GRM8: variants seen among roughly 807,000 people sequenced by gnomAD.
GRM8 encodes the protein metabotropic glutamate receptor 8.
Under a neutral mutation model 87.2 loss-of-function variants are expected in GRM8, and 47 were observed. The observed-to-expected ratio is 0.54, with a 90% CI of 0.43 to 0.69. The LOEUF is 0.69. GRM8 is among the 30% of genes least tolerant of loss of function. The pLI is 0.00. For missense variants in GRM8, 1,019 were observed against 1,139.2 expected, an observed-to-expected ratio of 0.89 and a Z score of 1.52; for synonymous variants, 396 against 404.5, an observed-to-expected ratio of 0.98 and a Z score of 0.25.
chr7:126,993,674 AG>A (rs1327393733), intron 3 of GRM8, among the ~76,000 whole-genome samples: 2 of 152,064 alleles, frequency 1.3e-5, no homozygotes, highest in South Asian at 4.1e-4. Context: ...CACTTGGGGG[AG>A]GGAGAGCACA....
chr7:127,232,107 T>C (rs1429469224), intron 2 of GRM8, among the ~76,000 whole-genome samples: 1 of 151,948 alleles, frequency 6.6e-6, no homozygotes, highest in Non-Finnish European at 1.5e-5. Flanking sequence ...AGTCTCAAGT[T>C]TGGCCTTCAA....
Position 127,098,169 on chromosome 7 carries a change from T to C in GRM8, c.727+8327A>G, listed in dbSNP as rs185017968. Among the ~76,000 whole-genome samples, 72 of 152,268 alleles carry C rather than the reference T, an allele frequency of 4.7e-4. 1 individual carries two copies. Among genetic ancestry groups the C allele is most frequent in the South Asian group, 4.1e-4 (2 of 4,834 alleles). ...ACCTGGTGTTAATATTAATTAAATA[T>C]GATTTGTAACTCAAAATGTGGTGTT... On this transcript the variant is annotated intron_variant, in intron 3 of 10. Coordinates refer to ENST00000339582, the MANE Select transcript of GRM8 (RefSeq NM_000845.3).
At chr7:126,470,541 T>C (rs1584724968) in intron 9 of GRM8, among the ~76,000 whole-genome samples, 1 of 152,132 alleles carries the variant, frequency 6.6e-6, no homozygotes, top group African/African-American at 2.4e-5. Flanking sequence ...TATGGCTGCA[T>C]GGTATTCCAT....
At chr7:126,564,501 A>G (rs1484489627) in intron 8 of GRM8, among the ~76,000 whole-genome samples, 3 of 152,204 alleles carry the variant, frequency 2.0e-5, no homozygotes, top group African/African-American at 7.2e-5. Context: ...TGGAAAAAAA[A>G]CACTAGAAAA....
intron 9 of GRM8, among the ~76,000 whole-genome samples, chr7:126,474,259 T>C: frequency 6.7e-6 from 1 of 149,002 alleles, no homozygotes; most frequent in East Asian, 2.0e-4. Flanking sequence ...CATGTGTGTG[T>C]GTGTGTGTGT....
At chr7:127,216,404 G>A (rs772738426) in intron 2 of GRM8, among the ~76,000 whole-genome samples, 36 of 151,678 alleles carry the variant, frequency 2.4e-4, no homozygotes, top group Non-Finnish European at 4.4e-4. Context: ...TGTAATCCCA[G>A]CTACTTGGGA....
At chr7:126,613,829 G>A (rs1234182660) in intron 7 of GRM8, among the ~76,000 whole-genome samples, 1 of 152,212 alleles carries the variant, frequency 6.6e-6, no homozygotes, top group Non-Finnish European at 1.5e-5. Context: ...GAGGCTGGGG[G>A]AGGGGCACAC....
chr7:127,116,651 T>C (rs1826717894), intron 2 of GRM8, among the ~76,000 whole-genome samples: 1 of 152,130 alleles, frequency 6.6e-6, no homozygotes, highest in Non-Finnish European at 1.5e-5. Context: ...GTTGACACAT[T>C]GAAAAATGAA....
At chr7:126,509,164 A>T (rs2150734876) in intron 9 of GRM8, among the ~76,000 whole-genome samples, 1 of 152,192 alleles carries the variant, frequency 6.6e-6, no homozygotes, top group Non-Finnish European at 1.5e-5. Flanking sequence ...ATATTTTAGG[A>T]TAAACATTTT....
intron 9 of GRM8, among the ~76,000 whole-genome samples, chr7:126,501,031 A>G (rs970230568): frequency 2.0e-5 from 3 of 152,018 alleles, no homozygotes; most frequent in Admixed American, 6.6e-5. Context: ...GCTTTCTAAA[A>G]TGCTGCTTAC....
At chr7:126,501,160 T>G (rs1271666327) in intron 9 of GRM8, among the ~76,000 whole-genome samples, 1 of 152,036 alleles carries the variant, frequency 6.6e-6, no homozygotes, top group Non-Finnish European at 1.5e-5. Context: ...GCAGAACTAG[T>G]TACAAAAGTA....
intron 2 of GRM8, among the ~76,000 whole-genome samples, chr7:127,192,048 T>G (rs1795055887): frequency 1.3e-5 from 2 of 152,166 alleles, no homozygotes; most frequent in Admixed American, 1.3e-4. Context: ...CTCCCCTTTT[T>G]TGTAAAATGG....
intron 9 of GRM8, among the ~76,000 whole-genome samples, chr7:126,476,481 G>A (rs897758677): frequency 6.6e-6 from 1 of 152,046 alleles, no homozygotes; most frequent in Non-Finnish European, 1.5e-5. Flanking sequence ...AATAGAGAAA[G>A]TATTTGCAAA....
chr7:127,016,437 C>T lies in GRM8; in HGVS notation c.727+90059G>A, dbSNP rs145287437. 2.6e-5 allele frequency among the ~76,000 whole-genome samples: 4 copies of T among 152,116 alleles called. No individual in the cohort carries two copies. The East Asian group carries it at 7.7e-4, about 29-fold the overall frequency. ...TGTAATCCCCATAATCAAATTGATG[C>T]TTGAATGACAAAGCAAGAAAAATGA... On this transcript the variant is annotated intron_variant, in intron 3 of 10. Transcript: ENST00000339582.
chr7:127,139,678 C>G (rs1233710516), intron 2 of GRM8, among the ~76,000 whole-genome samples: 3 of 152,100 alleles, frequency 2.0e-5, no homozygotes, highest in Admixed American at 1.3e-4. Flanking sequence ...TTTCCTTTAT[C>G]TGCACTAAAT....
At chr7:127,211,349 T>C (rs1266837328) in intron 2 of GRM8, among the ~76,000 whole-genome samples, 1 of 152,164 alleles carries the variant, frequency 6.6e-6, no homozygotes, top group Non-Finnish European at 1.5e-5. Context: ...GCATCCAGCA[T>C]GGGAGAAAGA....
At chr7:127,007,632 AG>A (rs762849191) in intron 3 of GRM8, among the ~76,000 whole-genome samples, 1 of 152,124 alleles carries the variant, frequency 6.6e-6, no homozygotes, top group Non-Finnish European at 1.5e-5. Flanking sequence ...TTGAAAGTTC[AG>A]GCCAAGACAA....
chr7:127,108,344 T>C (rs1175837212), intron 2 of GRM8, among the ~76,000 whole-genome samples: 1 of 152,078 alleles, frequency 6.6e-6, no homozygotes, highest in Non-Finnish European at 1.5e-5. Flanking sequence ...GGTAAAAATT[T>C]CCCAAATATC....
rs11412862 is a variant in GRM8 at position 126,832,171 on chromosome 7, C to CAA, written c.1157-62108_1157-62107dup. ...TAGTACGCAACATAGTGCCATCTTC[C>CAA]AAAAAAAAAAAAAAGAAAAAGAAAA... On this transcript the variant is annotated intron_variant, in intron 6 of 10. Coordinates refer to ENST00000339582, the MANE Select transcript of GRM8 (RefSeq NM_000845.3). Among the ~76,000 whole-genome samples, 74 of 77,668 alleles carry CAA rather than the reference C, an allele frequency of 9.5e-4. 1 individual carries two copies. In the South Asian group the frequency reaches 0.024, roughly 25 times the overall value. The allele number at this position is 77,668 out of a possible 152,430, so 51.0% of individuals were successfully genotyped here.
Sources: allele counts gnomAD v4.1 joint callset (sites outside exome capture counted in the v4.1 genomes callset), GRCh38; gene constraint gnomAD v4.1.1; transcripts MANE v1.5; gene names NCBI Gene and HGNC (gene_info 2026-07-23, HGNC 2026-07-21).